Variants in TRIM5 observed in about 807,000 individuals in gnomAD.
The protein encoded by TRIM5 is tripartite motif containing 5, also known as tripartite motif-containing protein 5.
TRIM5 carries 31 observed loss-of-function variants against 35.6 expected under a neutral mutation model. The observed-to-expected ratio is 0.87, with a 90% CI of 0.65 to 1.18. TRIM5 has a LOEUF of 1.18. Ranked by LOEUF, TRIM5 falls within the 50% of genes most tolerant of loss-of-function variation. The pLI, the probability that TRIM5 is intolerant of heterozygous loss-of-function variation, is 0.00. For synonymous variants in TRIM5, 243 were observed against 215.6 expected, an observed-to-expected ratio of 1.13 and a Z score of -1.11; for missense variants, 609 against 591.6, an observed-to-expected ratio of 1.03 and a Z score of -0.31.
intron 5 of TRIM5, among the ~76,000 whole-genome samples, chr11:5,667,347 C>T (rs774626349): frequency 6.6e-6 from 1 of 152,066 alleles, no homozygotes; most frequent in Non-Finnish European, 1.5e-5. Flanking sequence ...GCTGGGATTA[C>T]AGGCACGGGC....
the TRIM5 span, chr11:5,610,481 A>G: frequency 5.6e-6 from 9 of 1,613,550 alleles, no homozygotes; most frequent in African/African-American, 1.1e-4. Context: ...GAGAGATACC[A>G]GACATGAGAC....
the TRIM5 span, among the ~76,000 whole-genome samples, chr11:5,592,889 C>G: frequency 2.2e-5 from 3 of 138,798 alleles, no homozygotes; most frequent in Admixed American, 2.3e-4. Flanking sequence ...TACATGCCAG[C>G]CTGGGCAACA....
At chr11:5,639,679 CAAAAAAAAAAAAAAA>C in the TRIM5 span, among the ~76,000 whole-genome samples, 11 of 51,130 alleles carry the variant, frequency 2.2e-4, no homozygotes, top group Admixed American at 3.1e-4. Context: ...GACTCTATTT[CAAAAAAAAAAAAAAA>C]AAAAAAAAAA....
In TRIM5 at chr11:5,665,362, C is replaced by A. The variant is rs1195066276; in HGVS notation, c.929G>T (p.Cys310Phe). The A allele has an allele frequency of 6.2e-7, 1 of 1,612,586 alleles. No individual in the cohort carries two copies. The highest frequency in any genetic ancestry group is 1.3e-5 in the African/African-American group (1 of 74,970). The change falls in exon 8 of 8, where the codon TGT becomes TTT. Residue 310 changes from cysteine to phenylalanine, a missense_variant. By Grantham distance (205) the Cys-to-Phe change is radical (BLOSUM62 -2). Transcript: ENST00000380034. ...DVTVAPNNIS[C>F]AVISEDKRQV... ...TCTCTTATCTTCAGAAATGACAGCA[C>A]ATGAAATGTTGTTTGGAGCCACTGT...
chr11:5,615,051 T>C, the TRIM5 span, among the ~76,000 whole-genome samples: 1 of 152,238 alleles, frequency 6.6e-6, no homozygotes, highest in Non-Finnish European at 1.5e-5. Flanking sequence ...TATTTAAAAT[T>C]ATATTTTTTC....
chr11:5,627,298 T>C, the TRIM5 span, among the ~76,000 whole-genome samples: 1 of 151,962 alleles, frequency 6.6e-6, no homozygotes, highest in Non-Finnish European at 1.5e-5. Flanking sequence ...GAGAAGCGCT[T>C]GAACCCAGCA....
At chr11:5,596,497 TCCCCCCTTCCCCCGTTCTCCCCTTC>T in the TRIM5 span, among the ~76,000 whole-genome samples, 9 of 98,032 alleles carry the variant, frequency 9.2e-5, no homozygotes, top group African/African-American at 3.0e-4. Context: ...CAGCATCCCT[TCCCCCCTTCCCCCGTTCTCCCCTTC>T]CCCCCTTCCC....
In TRIM5 at chr11:5,665,663, G is replaced by A; in HGVS notation, c.888C>T (p.Arg296=). ...EVFRELTDVR[R]YWVDVTVAPN... ...AATGTGACTTCTCCTTACCCCAGTA[G>A]CGTCGGACATCTGTCAGCTCTGAAA... Residue 296 remains arginine, a synonymous_variant, in exon 7 of 8, where the codon CGC becomes CGT. Transcript: ENST00000380034. 6.5e-7 allele frequency: 1 copy of A among 1,534,314 alleles called. No individual in the cohort carries two copies. The highest frequency in any genetic ancestry group is 1.3e-5 in the South Asian group (1 of 74,982).
chr11:5,662,233 G>A (rs1343954637), downstream of TRIM5, among the ~76,000 whole-genome samples: 2 of 152,168 alleles, frequency 1.3e-5, no homozygotes, highest in Non-Finnish European at 2.9e-5. Flanking sequence ...GAAGCAGGGT[G>A]AAGAGCAGAG....
chr11:5,607,482 G>A, the TRIM5 span, among the ~76,000 whole-genome samples: 92,820 of 152,040 alleles, frequency 0.61, 29,947 homozygotes, highest in African/African-American at 0.82. Flanking sequence ...CCTGTATTAT[G>A]TGGACCAAAC....
At chr11:5,674,285 A>G (rs1851776908) in intron 4 of TRIM5, among the ~76,000 whole-genome samples, 2 of 152,188 alleles carry the variant, frequency 1.3e-5, no homozygotes, top group African/African-American at 4.8e-5. Flanking sequence ...GTCTCCCCTC[A>G]AAAACAATTT....
chr11:5,647,052 C>G, the TRIM5 span, among the ~76,000 whole-genome samples: 1 of 152,212 alleles, frequency 6.6e-6, no homozygotes, highest in South Asian at 2.1e-4. Flanking sequence ...GTTGCAGGAC[C>G]TGGCTCCTGG....
chr11:5,663,371 G>A lies in TRIM5; in HGVS notation c.*1438C>T. ...TTACAATAAAATCCTAAATATATGT[G>A]TGTATTATATATAGAAGGCAGAATT... On this transcript the variant is annotated 3_prime_UTR_variant, in exon 8 of 8. Coordinates refer to ENST00000380034, the MANE Select transcript of TRIM5 (RefSeq NM_033034.3). 1.0e-6 allele frequency: 1 copy of A among 963,940 alleles called. No individual in the cohort carries two copies. The highest frequency in any genetic ancestry group is 1.2e-6 in the Non-Finnish European group (1 of 810,430). The allele number at this position is 963,940 out of a possible 1,614,324, so 59.7% of individuals were successfully genotyped here.
chr11:5,597,273 A>C, the TRIM5 span, among the ~76,000 whole-genome samples: 6 of 152,186 alleles, frequency 3.9e-5, no homozygotes, highest in Admixed American at 6.5e-5. Flanking sequence ...GTGAGGATTG[A>C]GTGAGACAGA....
the TRIM5 span, among the ~76,000 whole-genome samples, chr11:5,647,777 T>C: frequency 2.8e-4 from 42 of 152,262 alleles, no homozygotes; most frequent in African/African-American, 9.6e-4. Context: ...TGCCTTGGCC[T>C]CCCAAAGTGC....
At chr11:5,660,493 T>C (rs1031455913), downstream of TRIM5, among the ~76,000 whole-genome samples, 2 of 152,174 alleles carry the variant, frequency 1.3e-5, no homozygotes, top group African/African-American at 4.8e-5. Context: ...TGTCCAAGGT[T>C]TCTAATGTTG....
the TRIM5 span, among the ~76,000 whole-genome samples, chr11:5,622,400 A>C: frequency 6.6e-6 from 1 of 151,360 alleles, no homozygotes; most frequent in Non-Finnish European, 1.5e-5. Flanking sequence ...AGCCGAGATC[A>C]CGCCACTGCA....
At chr11:5,669,290 G>A (rs1851395710) in intron 4 of TRIM5, among the ~76,000 whole-genome samples, 1 of 151,644 alleles carries the variant, frequency 6.6e-6, no homozygotes. Flanking sequence ...ATGTTGGTCG[G>A]GCTGGTCTTG....
intron 4 of TRIM5, among the ~76,000 whole-genome samples, chr11:5,674,057 TA>T (rs1335405510): frequency 6.6e-6 from 1 of 151,708 alleles, no homozygotes; most frequent in African/African-American, 2.4e-5. Context: ...ACAGAAAGGT[TA>T]AAAAAAGATA....
Sources: allele counts gnomAD v4.1 joint callset (sites outside exome capture counted in the v4.1 genomes callset), GRCh38; gene constraint gnomAD v4.1.1; transcripts MANE v1.5; gene names NCBI Gene and HGNC (gene_info 2026-07-23, HGNC 2026-07-21).